UTRN: variants seen among roughly 807,000 people sequenced by gnomAD.
The protein encoded by UTRN is utrophin.
UTRN carries 283 observed loss-of-function variants against 463.9 expected under a neutral mutation model. The ratio of observed to expected loss-of-function variants is 0.61; its 90% CI spans 0.55 to 0.67. The LOEUF (loss-of-function observed/expected upper bound fraction) is 0.67, where lower values mean the gene tolerates loss of function less well. Among genes scored for constraint, UTRN ranks in the 30% least tolerant of loss-of-function variants. The probability of loss-of-function intolerance (pLI) is 0.00; values close to 1 mark genes in which losing one functional copy is unlikely to be tolerated. For synonymous variants in UTRN, 1,442 were observed against 1,431.5 expected (o/e 1.01, Z -0.17); for missense variants, 3,922 against 4,084.3 (o/e 0.96, Z 1.08).
At chr6:144,417,414 C>T (rs544959373) in intron 3 of UTRN, among the ~76,000 whole-genome samples, 1 of 152,144 alleles carries the variant, frequency 6.6e-6, no homozygotes, top group South Asian at 2.1e-4. Context: ...TCAGTTTCTT[C>T]GCCTGTAGAA....
intron 19 of UTRN, among the ~76,000 whole-genome samples, chr6:144,456,875 A>G (rs1364260648): frequency 6.6e-6 from 1 of 152,016 alleles, no homozygotes; most frequent in Non-Finnish European, 1.5e-5. Flanking sequence ...AAGCCCAGGA[A>G]GTTTGGTGAA....
chr6:144,436,762 T>C (rs899626342), intron 10 of UTRN, among the ~76,000 whole-genome samples: 2 of 144,696 alleles, frequency 1.4e-5, no homozygotes, highest in East Asian at 2.0e-4. Flanking sequence ...TTTATATATA[T>C]ATTTATATAT....
At chr6:144,753,036 G>C (rs916283960) in intron 56 of UTRN, among the ~76,000 whole-genome samples, 3 of 152,144 alleles carry the variant, frequency 2.0e-5, no homozygotes, top group African/African-American at 4.8e-5. Flanking sequence ...GCATTTGAAG[G>C]CTTTTAGGCC....
chr6:144,381,518 T>A (rs1207820978), intron 2 of UTRN, among the ~76,000 whole-genome samples: 2 of 152,228 alleles, frequency 1.3e-5, no homozygotes, highest in East Asian at 3.8e-4. Flanking sequence ...TACCCTGATA[T>A]GGCTTGTCTG....
At chr6:144,715,481 C>A (rs1388226930) in intron 53 of UTRN, among the ~76,000 whole-genome samples, 1 of 152,182 alleles carries the variant, frequency 6.6e-6, no homozygotes, top group African/African-American at 2.4e-5. Flanking sequence ...CCTGCCTGAT[C>A]TGACCTACCC....
intron 2 of UTRN, among the ~76,000 whole-genome samples, chr6:144,293,894 ATGTGTGTG>A (rs57561876): frequency 5.4e-5 from 8 of 148,646 alleles, no homozygotes; most frequent in South Asian, 2.1e-4. Context: ...GATGTGTGTG[ATGTGTGTG>A]TGTGTGTGTG....
intron 58 of UTRN, among the ~76,000 whole-genome samples, chr6:144,762,001 AT>A (rs1220754988): frequency 6.6e-6 from 1 of 152,174 alleles, no homozygotes; most frequent in Non-Finnish European, 1.5e-5. Flanking sequence ...AATAAATTAC[AT>A]TTTTGAACAG....
At chr6:144,528,618 G>C (rs1340772554) in intron 41 of UTRN, among the ~76,000 whole-genome samples, 1 of 152,234 alleles carries the variant, frequency 6.6e-6, no homozygotes, top group African/African-American at 2.4e-5. Flanking sequence ...GTACTGGGAA[G>C]TGTCTGCAAA....
At chr6:144,678,652 A>C in intron 52 of UTRN, 74 bp downstream of exon 52, 1 of 1,364,668 alleles carries the variant, frequency 7.3e-7, no homozygotes, top group African/African-American at 1.5e-5. Flanking sequence ...GTATATCAGA[A>C]AGAGAAAGCG....
chr6:144,636,080 T>C (rs939773611), intron 51 of UTRN, among the ~76,000 whole-genome samples: 2 of 152,136 alleles, frequency 1.3e-5, no homozygotes, highest in Admixed American at 1.3e-4. Context: ...ATTTTTAAGG[T>C]ATAGTATGTT....
At chr6:144,758,834 C>G (rs1413859435) in intron 58 of UTRN, among the ~76,000 whole-genome samples, 1 of 152,052 alleles carries the variant, frequency 6.6e-6, no homozygotes, top group African/African-American at 2.4e-5. Flanking sequence ...CATGACAACA[C>G]TTACTTATTG....
intron 51 of UTRN, among the ~76,000 whole-genome samples, chr6:144,666,464 A>G (rs1780407945): frequency 6.6e-6 from 1 of 152,244 alleles, no homozygotes; most frequent in African/African-American, 2.4e-5. Context: ...AAATAAACCT[A>G]TTAATCCACT....
chr6:144,595,277 T>G (rs4052725), intron 51 of UTRN, among the ~76,000 whole-genome samples: 23,759 of 152,140 alleles, frequency 0.16, 2,041 homozygotes, highest in South Asian at 0.27. Flanking sequence ...TGGAGTATTA[T>G]GGAAATCGAA....
chr6:144,709,327 C>G (rs915921432), intron 53 of UTRN, among the ~76,000 whole-genome samples: 2 of 152,122 alleles, frequency 1.3e-5, no homozygotes, highest in African/African-American at 4.8e-5. Context: ...AGTTGCTTCT[C>G]TTTTCATTTA....
intron 2 of UTRN, among the ~76,000 whole-genome samples, chr6:144,301,326 C>T (rs1015520673): frequency 5.3e-5 from 8 of 151,902 alleles, no homozygotes; most frequent in African/African-American, 1.9e-4. Context: ...AGATACGTAA[C>T]GTGTTGTAAA....
intron 53 of UTRN, among the ~76,000 whole-genome samples, chr6:144,706,224 G>GC (rs950706444): frequency 1.8e-5 from 2 of 113,578 alleles, no homozygotes; most frequent in African/African-American, 1.3e-4. Context: ...TTTCAGGGCA[G>GC]CTTTTTTTTT....
At position 144,445,564 on chromosome 6, in the gene UTRN, C is replaced by A. The variant is rs151217603; in HGVS notation, c.1614+1182C>A. ...ATAAATTGTTAATGACTACTTCCCC[C>A]CCCGCCCTCAATCTGTGGTCAGATT... On this transcript the variant is annotated intron_variant, in intron 14 of 74. Coordinates refer to ENST00000367545, the MANE Select transcript of UTRN (RefSeq NM_007124.3). Among the ~76,000 whole-genome samples the A allele has an allele frequency of 1.3e-3, 199 of 149,494 alleles. 1 individual carries two copies. The highest frequency in any genetic ancestry group is 4.7e-3 in the African/African-American group (185 of 39,646).
intron 65 of UTRN, 23 bp downstream of exon 65, chr6:144,803,170 G>GT (rs750851585): frequency 9.3e-6 from 13 of 1,392,140 alleles, no homozygotes; most frequent in Middle Eastern, 3.8e-4. Context: ...CCACTGTTTT[G>GT]TTTTTAATAC....
Position 144,674,241 on chromosome 6 carries a change from T to C in UTRN, c.7480-4165T>C, listed in dbSNP as rs544201230. 3.9e-5 allele frequency among the ~76,000 whole-genome samples: 6 copies of C among 152,178 alleles called. No individual in the cohort carries two copies. The South Asian group carries it at 1.2e-3, about 32-fold the overall frequency. ...TTGATTTTTTTTTTTCAAATAAATT[T>C]TCCAAACTTTTAGATTTCTCTTCTT... is the stretch of plus-strand genomic sequence containing the variant. On this transcript the variant is annotated intron_variant, in intron 51 of 74. Transcript: ENST00000367545.
Sources: allele counts gnomAD v4.1 joint callset (sites outside exome capture counted in the v4.1 genomes callset), GRCh38; gene constraint gnomAD v4.1.1; transcripts MANE v1.5; gene names NCBI Gene and HGNC (gene_info 2026-07-23, HGNC 2026-07-21).